CHST9: variants seen among roughly 807,000 people sequenced by gnomAD.
CHST9 encodes the protein carbohydrate sulfotransferase 9, also known as GalNAc-4-sulfotransferase 2.
A neutral mutation model predicts 44.4 loss-of-function variants in CHST9; 41 were observed. That is an observed-to-expected ratio of 0.92 (90% confidence interval 0.72 to 1.20). The LOEUF (loss-of-function observed/expected upper bound fraction) is 1.20. Ranked by LOEUF, CHST9 falls within the 50% of genes most tolerant of loss-of-function variation. The pLI is 0.00. For synonymous variants in CHST9, 171 were observed against 178.4 expected (o/e 0.96, Z 0.33); for missense variants, 504 against 516.5 (o/e 0.98, Z 0.23).
intron 4 of CHST9, among the ~76,000 whole-genome samples, chr18:26,996,037 C>T (rs563620908): frequency 2.6e-5 from 4 of 152,284 alleles, no homozygotes; most frequent in African/African-American, 7.2e-5. Context: ...ATTCTTTACT[C>T]GTTGCTTACA....
intron 3 of CHST9, 100 bp downstream of exon 3, chr18:27,048,363 CTA>C (rs1389865435): frequency 3.5e-6 from 3 of 855,234 alleles, no homozygotes; most frequent in African/African-American, 3.5e-5. Context: ...AAACCATAAA[CTA>C]TTAATTTTAG....
At chr18:27,060,727 A>C (rs534993392) in intron 2 of CHST9, among the ~76,000 whole-genome samples, 56 of 152,314 alleles carry the variant, frequency 3.7e-4, no homozygotes, top group African/African-American at 1.2e-3. Context: ...AAAACATGTA[A>C]ACTAATCATC....
intron 3 of CHST9, among the ~76,000 whole-genome samples, chr18:27,032,484 G>C (rs2057351283): frequency 6.6e-6 from 1 of 152,198 alleles, no homozygotes; most frequent in Admixed American, 6.5e-5. Flanking sequence ...AAAGGTCTTT[G>C]AACAGTACAG....
intron 2 of CHST9, among the ~76,000 whole-genome samples, chr18:27,120,325 G>A (rs1488223360): frequency 1.3e-5 from 2 of 151,984 alleles, no homozygotes; most frequent in Non-Finnish European, 2.9e-5. Flanking sequence ...CCCAGTAGCA[G>A]AGTTTCCTCA....
At chr18:27,141,553 C>A (rs1413147488) in intron 2 of CHST9, among the ~76,000 whole-genome samples, 1 of 126,562 alleles carries the variant, frequency 7.9e-6, no homozygotes, top group Non-Finnish European at 1.6e-5. Flanking sequence ...ATCATGCTAT[C>A]GCTCTCCAGC....
intron 4 of CHST9, among the ~76,000 whole-genome samples, chr18:26,968,240 T>C (rs2056492921): frequency 6.6e-6 from 1 of 152,176 alleles, no homozygotes; most frequent in African/African-American, 2.4e-5. Flanking sequence ...AAATTTTTGG[T>C]TGTTATTGCT....
At chr18:27,013,916 G>A (rs1185121589) in intron 4 of CHST9, among the ~76,000 whole-genome samples, 1 of 152,070 alleles carries the variant, frequency 6.6e-6, no homozygotes, top group East Asian at 1.9e-4. Flanking sequence ...AAAGTAGGTT[G>A]GGCACACCTT....
chr18:27,001,763 A>G (rs923587380), intron 4 of CHST9, among the ~76,000 whole-genome samples: 5 of 152,194 alleles, frequency 3.3e-5, no homozygotes, highest in African/African-American at 9.7e-5. Context: ...TTCAGATAAG[A>G]CTACTTATGA....
intron 3 of CHST9, among the ~76,000 whole-genome samples, chr18:27,047,863 C>A (rs552977891): frequency 1.4e-4 from 22 of 152,120 alleles, no homozygotes; most frequent in Non-Finnish European, 2.6e-4. Flanking sequence ...ATCTATCTTA[C>A]CTCACAACTT....
In CHST9 at chr18:26,987,708, A is replaced by G. The variant is rs141364818; in HGVS notation, c.202+36408T>C. 5.8e-3 allele frequency among the ~76,000 whole-genome samples: 881 copies of G among 152,248 alleles called. 36 individuals carry two copies. The highest frequency in any genetic ancestry group is 0.051 in the Admixed American group (776 of 15,282). On this transcript the variant is annotated intron_variant, in intron 4 of 5. Transcript: ENST00000618847. ...GAAACCTAACCCCAAAGGTAATGGC[A>G]CTGGGAAGTGGGGTCTTTTGGGAGA...
intron 4 of CHST9, among the ~76,000 whole-genome samples, chr18:26,959,176 C>A (rs2056367968): frequency 6.6e-6 from 1 of 152,182 alleles, no homozygotes; most frequent in African/African-American, 2.4e-5. Flanking sequence ...AACACAGATG[C>A]AGCTAGAGGC....
intron 1 of CHST9, among the ~76,000 whole-genome samples, chr18:27,163,536 A>G (rs963390571): frequency 2.0e-5 from 3 of 152,096 alleles, no homozygotes; most frequent in African/African-American, 7.2e-5. Flanking sequence ...TCCCAGCCTC[A>G]CTGCCGCCTT....
chr18:27,006,142 C>G (rs1030637622), intron 4 of CHST9, among the ~76,000 whole-genome samples: 1 of 152,100 alleles, frequency 6.6e-6, no homozygotes, highest in Non-Finnish European at 1.5e-5. Flanking sequence ...TTAAAACGAT[C>G]GGTATGCCAC....
intron 5 of CHST9, among the ~76,000 whole-genome samples, chr18:26,919,934 C>T (rs2055616238): frequency 6.6e-6 from 1 of 152,182 alleles, no homozygotes; most frequent in South Asian, 2.1e-4. Flanking sequence ...TTCCCTGCAG[C>T]CCACGGCTGC....
intron 4 of CHST9, among the ~76,000 whole-genome samples, chr18:26,984,845 A>T (rs751585272): frequency 6.6e-6 from 1 of 152,178 alleles, no homozygotes; most frequent in Non-Finnish European, 1.5e-5. Context: ...AAAGTGAACA[A>T]TGCCAAGTGT....
At chr18:27,053,271 AAGGAGAAGGAGAAGGAGAAGG>A in intron 2 of CHST9, among the ~76,000 whole-genome samples, 1 of 121,598 alleles carries the variant, frequency 8.2e-6, no homozygotes, top group African/African-American at 3.1e-5. Flanking sequence ...GGAGAAGGAG[AAGGAGAAGGAGAAGGAGAAGG>A]AGAAGGAGAA....
chr18:27,129,409 G>T (rs2058453481), intron 2 of CHST9, among the ~76,000 whole-genome samples: 1 of 150,820 alleles, frequency 6.6e-6, no homozygotes, highest in Non-Finnish European at 1.5e-5. Context: ...AGATAGTGTT[G>T]CTCTGTCACC....
chr18:27,123,406 C>T (rs1024556046), intron 2 of CHST9, among the ~76,000 whole-genome samples: 2 of 152,054 alleles, frequency 1.3e-5, no homozygotes, highest in African/African-American at 4.8e-5. Context: ...GGTAAAAGGC[C>T]ATTGTGTTCA....
intron 2 of CHST9, among the ~76,000 whole-genome samples, chr18:27,111,169 G>A (rs1469113884): frequency 6.6e-6 from 1 of 152,230 alleles, no homozygotes; most frequent in Non-Finnish European, 1.5e-5. Flanking sequence ...CTTCTTTGAT[G>A]TGAATGAACC....
Sources: allele counts gnomAD v4.1 joint callset (sites outside exome capture counted in the v4.1 genomes callset), GRCh38; gene constraint gnomAD v4.1.1; transcripts MANE v1.5; gene names NCBI Gene and HGNC (gene_info 2026-07-23, HGNC 2026-07-21).